Variants in TLK1 observed in about 807,000 individuals in gnomAD.
TLK1 encodes the protein tousled like kinase 1.
In TLK1, 24 loss-of-function variants were observed where a neutral mutation model predicts 105.3. The observed-to-expected ratio is 0.23, with a 90% CI of 0.17 to 0.32. TLK1 has a LOEUF of 0.32. Among genes scored for constraint, TLK1 ranks in the 10% least tolerant of loss-of-function variants. TLK1 has a pLI of 1.00. For missense variants in TLK1, 558 were observed against 910.5 expected (o/e 0.61, Z 4.98); for synonymous variants, 321 against 310.4 (o/e 1.03, Z -0.36).
At chr2:171,091,121 T>C (rs1689211217) in intron 2 of TLK1, among the ~76,000 whole-genome samples, 1 of 152,246 alleles carries the variant, frequency 6.6e-6, no homozygotes, top group Admixed American at 6.5e-5. Context: ...ATATGGTATA[T>C]GTCTGCTTTA....
chr2:171,154,668 TC>T (rs34886865), intron 1 of TLK1, among the ~76,000 whole-genome samples: 1 of 152,190 alleles, frequency 6.6e-6, no homozygotes, highest in African/African-American at 2.4e-5. Flanking sequence ...AATCACTTTC[TC>T]CCCTATACCA....
intron 1 of TLK1, among the ~76,000 whole-genome samples, chr2:171,200,068 GT>G (rs1177855239): frequency 6.6e-6 from 1 of 152,126 alleles, no homozygotes; most frequent in East Asian, 1.9e-4. Context: ...CCAAGCAAGA[GT>G]TTTTTCCCCT....
intron 10 of TLK1, among the ~76,000 whole-genome samples, chr2:171,047,076 T>C (rs1316522752): frequency 3.9e-5 from 6 of 152,160 alleles, no homozygotes; most frequent in Admixed American, 3.9e-4. Context: ...AAAATTAGCA[T>C]GGCTCTGAAA....
intron 1 of TLK1, among the ~76,000 whole-genome samples, chr2:171,175,913 A>T (rs990757093): frequency 6.6e-6 from 1 of 150,950 alleles, no homozygotes; most frequent in Non-Finnish European, 1.5e-5. Flanking sequence ...GAGTCAGGAT[A>T]TCAAGGTTTT....
rs927298493 is a variant in TLK1, at chr2:170,992,867, T to A, written c.*913A>T. ...ACAAGAATAAGCTGCTGAAACTTAG[T>A]AATTGAAATATGACATCTGTACAAC... On this transcript the variant is annotated 3_prime_UTR_variant, in exon 21 of 21. Transcript: ENST00000431350. 2 of 152,628 alleles carry A rather than the reference T, an allele frequency of 1.3e-5. No homozygotes were observed. The highest frequency in any genetic ancestry group is 2.4e-5 in the African/African-American group (1 of 41,450). 9.5% of individuals were successfully genotyped at this position (152,628 alleles called of 1,614,324 possible). A position where few individuals can be genotyped will look rare whatever the true frequency, so the allele number is the denominator to read the frequency against.
intron 1 of TLK1, among the ~76,000 whole-genome samples, chr2:171,210,096 A>C (rs1418158098): frequency 1.3e-5 from 2 of 152,146 alleles, no homozygotes; most frequent in African/African-American, 4.8e-5. Context: ...TTATGTTAAA[A>C]AGTTGTATTA....
chr2:170,995,939 G>C (rs1047788549), intron 20 of TLK1, among the ~76,000 whole-genome samples: 2 of 151,722 alleles, frequency 1.3e-5, no homozygotes, highest in African/African-American at 4.8e-5. Context: ...CTGGGCTCAG[G>C]CAATCTGCCT....
intron 1 of TLK1, among the ~76,000 whole-genome samples, chr2:171,223,481 C>T (rs377634874): frequency 7.9e-6 from 1 of 127,002 alleles, no homozygotes. Flanking sequence ...GTATTTTGCA[C>T]TTTTTTTTTT....
chr2:171,010,768 T>A (rs572788214), intron 14 of TLK1, among the ~76,000 whole-genome samples: 13 of 152,310 alleles, frequency 8.5e-5, no homozygotes, highest in Non-Finnish European at 1.6e-4. Flanking sequence ...AGACATTTTT[T>A]AATTAAGGGG....
chr2:171,147,672 T>A (rs1691844876), intron 1 of TLK1, among the ~76,000 whole-genome samples: 1 of 152,264 alleles, frequency 6.6e-6, no homozygotes, highest in Non-Finnish European at 1.5e-5. Context: ...AGCCACAGCA[T>A]GCTTGACTTA....
chr2:171,229,920 G>C (rs1446138236), intron 1 of TLK1, among the ~76,000 whole-genome samples: 1 of 152,106 alleles, frequency 6.6e-6, no homozygotes, highest in Admixed American at 6.6e-5. Flanking sequence ...AGGCCTTGCT[G>C]TTCTTGCCCT....
intron 1 of TLK1, among the ~76,000 whole-genome samples, chr2:171,167,453 C>A (rs576511707): frequency 6.6e-6 from 1 of 152,284 alleles, no homozygotes; most frequent in South Asian, 2.1e-4. Context: ...GTTGCTTAGA[C>A]AAATGGCTCC....
chr2:171,064,772 G>A (rs1196683033), intron 3 of TLK1, among the ~76,000 whole-genome samples: 1 of 152,164 alleles, frequency 6.6e-6, no homozygotes, highest in Non-Finnish European at 1.5e-5. Context: ...AGTTAGCTGT[G>A]TAAATGTTAG....
Position 171,055,203 on chromosome 2 carries a change from C to CAAA in TLK1, c.550-34_550-32dup, listed in dbSNP as rs71399594. 2.6e-3 allele frequency: 1,354 copies of CAAA among 517,288 alleles called. 3 individuals are homozygous for CAAA. Among genetic ancestry groups the CAAA allele is most frequent in the Middle Eastern group, 5.0e-3 (9 of 1,818 alleles). 32.0% of individuals were successfully genotyped at this position (517,288 alleles called of 1,614,324 possible). ...GAAATTATTAAAATTTTTATATTAGCAAAAAAAAAAAAAAAAAACACAAAA... is the reference window on the plus strand; with the variant it reads ...GAAATTATTAAAATTTTTATATTAGCAAAAAAAAAAAAAAAAAAAAACACAAAA... On this transcript the variant is annotated intron_variant, in intron 6 of 20. Coordinates refer to ENST00000431350, the MANE Select transcript of TLK1 (RefSeq NM_012290.5).
At chr2:171,052,032 G>A (rs955432203) in intron 8 of TLK1, among the ~76,000 whole-genome samples, 1 of 152,140 alleles carries the variant, frequency 6.6e-6, no homozygotes, top group Admixed American at 6.5e-5. Context: ...CACTTTGGGA[G>A]ACCAAGGTGG....
chr2:171,149,246 A>C (rs56134465), intron 1 of TLK1, among the ~76,000 whole-genome samples: 21,607 of 151,288 alleles, frequency 0.14, 2,594 homozygotes, highest in African/African-American at 0.33. Flanking sequence ...GCAGCAGCAG[A>C]AGAAGAAGAA....
At chr2:171,003,981 G>C (rs1320934803) in intron 18 of TLK1, among the ~76,000 whole-genome samples, 4 of 151,730 alleles carry the variant, frequency 2.6e-5, no homozygotes, top group Non-Finnish European at 4.4e-5. Flanking sequence ...TCGAGACGGA[G>C]TCTTGCTCTG....
chr2:171,111,522 T>G (rs1021587776), intron 2 of TLK1, among the ~76,000 whole-genome samples: 1 of 150,896 alleles, frequency 6.6e-6, no homozygotes, highest in Non-Finnish European at 1.5e-5. Flanking sequence ...GAGGCATAGG[T>G]TGCAGTGAGC....
rs907455116 is a variant in TLK1 at position 171,052,140 on chromosome 2, G to A, written c.732+1621C>T. Among the ~76,000 whole-genome samples, 4 of 152,162 alleles carry A rather than the reference G, an allele frequency of 2.6e-5. No homozygotes were observed. In the East Asian group the frequency reaches 7.7e-4, roughly 29 times the overall value. Reference sequence around the variant, plus strand: ...CCCGGAGTGATGGCATGAGCCTGTAGTCCTAGCTACTTGGGAGCCTGAGGT... The same window carrying A: ...CCCGGAGTGATGGCATGAGCCTGTAATCCTAGCTACTTGGGAGCCTGAGGT... On this transcript the variant is annotated intron_variant, in intron 8 of 20. Coordinates refer to ENST00000431350, the MANE Select transcript of TLK1 (RefSeq NM_012290.5).
Sources: gnomAD v4.1 joint callset for allele counts (sites outside exome capture counted in the v4.1 genomes callset) on GRCh38, gnomAD v4.1.1 for gene constraint, MANE v1.5 for transcripts, NCBI Gene and HGNC (gene_info 2026-07-23, HGNC 2026-07-21) for gene names.